Variants in FAF1 observed in about 807,000 individuals in gnomAD.
FAF1 encodes the protein FAS-associated factor 1.
In FAF1, 25 loss-of-function variants were observed where a neutral mutation model predicts 92.5. The ratio of observed to expected loss-of-function variants is 0.27; its 90% CI spans 0.20 to 0.38. The LOEUF (loss-of-function observed/expected upper bound fraction) is 0.38. Ranked by LOEUF, FAF1 falls within the 10% of genes least tolerant of loss-of-function variation. FAF1 has a pLI of 1.00. For synonymous variants in FAF1, 234 were observed against 273.2 expected (o/e 0.86, Z 1.42); for missense variants, 636 against 793.3 (o/e 0.80, Z 2.38).
At chr1:50,538,866 C>G (rs947089861) in intron 14 of FAF1, among the ~76,000 whole-genome samples, 1 of 152,112 alleles carries the variant, frequency 6.6e-6, no homozygotes, top group Non-Finnish European at 1.5e-5. Context: ...ACACATATCC[C>G]CTCCTCCCAA....
chr1:50,658,952 C>T (rs1655252751), intron 7 of FAF1, among the ~76,000 whole-genome samples: 1 of 152,008 alleles, frequency 6.6e-6, no homozygotes, highest in African/African-American at 2.4e-5. Context: ...GATAAGATAG[C>T]AAAAGCATCA....
At chr1:50,817,676 T>TA (rs1463160946) in intron 2 of FAF1, among the ~76,000 whole-genome samples, 2 of 152,174 alleles carry the variant, frequency 1.3e-5, no homozygotes, top group Non-Finnish European at 2.9e-5. Context: ...AAAAAGATTT[T>TA]AAAAAATTTA....
At chr1:50,875,664 G>T (rs1570087520) in intron 1 of FAF1, among the ~76,000 whole-genome samples, 1 of 152,088 alleles carries the variant, frequency 6.6e-6, no homozygotes, top group African/African-American at 2.4e-5. Context: ...TGTTGGTCAG[G>T]CTGGTCTCGA....
At chr1:50,598,461 TTA>T (rs1491415056) in intron 8 of FAF1, among the ~76,000 whole-genome samples, 8 of 138,446 alleles carry the variant, frequency 5.8e-5, no homozygotes, top group African/African-American at 2.3e-4. Context: ...GAACCTGTCT[TTA>T]AAAAAAAAAA....
intron 2 of FAF1, among the ~76,000 whole-genome samples, chr1:50,834,217 G>A (rs1186468457): frequency 6.6e-6 from 1 of 152,174 alleles, no homozygotes; most frequent in East Asian, 1.9e-4. Context: ...ATGACTGTAA[G>A]TTTCCTGAGG....
Position 50,527,811 on chromosome 1 carries a change from G to GTCTCTCTCTCTC in FAF1, c.1494+7546_1494+7557dup, listed in dbSNP as rs9326017. Among the ~76,000 whole-genome samples the GTCTCTCTCTCTC allele has an allele frequency of 3.2e-3, 239 of 75,074 alleles. 4 individuals are homozygous for GTCTCTCTCTCTC. Among genetic ancestry groups the GTCTCTCTCTCTC allele is most frequent in the East Asian group, 8.7e-3 (28 of 3,212 alleles). 49.3% of individuals were successfully genotyped at this position (75,074 alleles called of 152,430 possible). ...ATTTAACCCAAGAACTTACTCTGCT[G>GTCTCTCTCTCTC]TCTCTCTCTCTCTCTCTCTCTCTCT... On this transcript the variant is annotated intron_variant, in intron 15 of 18. Coordinates refer to ENST00000396153, the MANE Select transcript of FAF1 (RefSeq NM_007051.3).
chr1:50,704,482 T>A (rs1324311505), intron 7 of FAF1, among the ~76,000 whole-genome samples: 1 of 152,196 alleles, frequency 6.6e-6, no homozygotes, highest in Non-Finnish European at 1.5e-5. Context: ...TATATTCACA[T>A]ATACAATTTA....
intron 1 of FAF1, among the ~76,000 whole-genome samples, chr1:50,912,858 T>TA (rs1264014085): frequency 9.2e-5 from 14 of 152,110 alleles, no homozygotes; most frequent in East Asian, 3.9e-4. Context: ...AACTTAAATT[T>TA]AAAAAAAAGA....
chr1:50,818,850 A>C (rs1451833910), intron 2 of FAF1, among the ~76,000 whole-genome samples: 2 of 152,200 alleles, frequency 1.3e-5, no homozygotes, highest in Non-Finnish European at 2.9e-5. Flanking sequence ...ACCAAAAAAA[A>C]AAAAGAAATC....
At chr1:50,468,209 A>AAACAAC (rs936543176) in intron 18 of FAF1, among the ~76,000 whole-genome samples, 1 of 151,840 alleles carries the variant, frequency 6.6e-6, no homozygotes, top group Non-Finnish European at 1.5e-5. Context: ...ACTCTGTCTC[A>AAACAAC]AACAACAACA....
chr1:50,827,635 A>T (rs113017811), intron 2 of FAF1, among the ~76,000 whole-genome samples: 25 of 146,546 alleles, frequency 1.7e-4, no homozygotes, highest in African/African-American at 5.0e-4. Flanking sequence ...TAAATACTAA[A>T]AAATAAATAA....
chr1:50,644,833 A>T (rs1654511764), intron 8 of FAF1, among the ~76,000 whole-genome samples: 1 of 152,214 alleles, frequency 6.6e-6, no homozygotes, highest in African/African-American at 2.4e-5. Context: ...TTGGGATTTT[A>T]ATAAACTGAA....
chr1:50,615,959 G>A (rs1449257708), intron 8 of FAF1, among the ~76,000 whole-genome samples: 1 of 152,070 alleles, frequency 6.6e-6, no homozygotes, highest in Non-Finnish European at 1.5e-5. Context: ...TATTTCCCAC[G>A]TTTTCTTCTG....
chr1:50,460,675 C>T (rs1646415762), intron 18 of FAF1, among the ~76,000 whole-genome samples: 1 of 150,780 alleles, frequency 6.6e-6, no homozygotes, highest in Admixed American at 6.6e-5. Context: ...GCTCTCTAGC[C>T]CAGGCTGGAG....
intron 1 of FAF1, among the ~76,000 whole-genome samples, chr1:50,866,961 A>C (rs1244096319): frequency 6.6e-6 from 1 of 152,196 alleles, no homozygotes; most frequent in Non-Finnish European, 1.5e-5. Context: ...ATGGTCACCA[A>C]AACATCATGG....
intron 1 of FAF1, among the ~76,000 whole-genome samples, chr1:50,882,649 T>TAA (rs1222495758): frequency 1.3e-5 from 2 of 150,584 alleles, no homozygotes; most frequent in Non-Finnish European, 3.0e-5. Flanking sequence ...AATAAATAAA[T>TAA]GTGTATGTAT....
intron 1 of FAF1, among the ~76,000 whole-genome samples, chr1:50,939,384 G>C (rs1301122844): frequency 6.6e-6 from 1 of 152,202 alleles, no homozygotes; most frequent in African/African-American, 2.4e-5. Flanking sequence ...CTGGTGTATA[G>C]AAATGCTACT....
chr1:50,952,421 C>G (rs902310165), intron 1 of FAF1, among the ~76,000 whole-genome samples: 1 of 152,208 alleles, frequency 6.6e-6, no homozygotes, highest in African/African-American at 2.4e-5. Context: ...TCAATGTTGC[C>G]CAGGCTGGAG....
At chr1:50,444,432 G>C (rs1335321522) in intron 18 of FAF1, among the ~76,000 whole-genome samples, 1 of 152,184 alleles carries the variant, frequency 6.6e-6, no homozygotes, top group African/African-American at 2.4e-5. Flanking sequence ...ATATCTGAAG[G>C]GCTGATAAGT....
Sources: gnomAD v4.1 joint callset for allele counts (sites outside exome capture counted in the v4.1 genomes callset) on GRCh38, gnomAD v4.1.1 for gene constraint, MANE v1.5 for transcripts, NCBI Gene and HGNC (gene_info 2026-07-23, HGNC 2026-07-21) for gene names.